Variants in PPP3CA observed in about 807,000 individuals in gnomAD.
The protein encoded by PPP3CA is protein phosphatase 3 catalytic subunit alpha.
A neutral mutation model predicts 66.5 loss-of-function variants in PPP3CA; 14 were observed. The ratio of observed to expected loss-of-function variants is 0.21; its 90% confidence interval spans 0.14 to 0.33. PPP3CA has a LOEUF of 0.33. Among genes scored for constraint, PPP3CA ranks in the 10% least tolerant of loss-of-function variants. PPP3CA has a pLI of 1.00. For missense variants in PPP3CA, 317 were observed against 639.5 expected (o/e 0.50, Z 5.44); for synonymous variants, 232 against 226.2 (o/e 1.03, Z -0.23).
In PPP3CA at chr4:101,195,318, G is replaced by A. The variant is rs145305135; in HGVS notation, c.259+598C>T. Among the ~76,000 whole-genome samples, 69 of 150,876 alleles carry A rather than the reference G, an allele frequency of 4.6e-4. 1 individual carries two copies. The East Asian group carries it at 0.013, about 29-fold the overall frequency. The stretch of plus-strand genomic sequence containing the variant: ...TAGGGACAAAATGCTACGGGCAAAA[G>A]AGAAAAAAATGTGTCCTTCTTCCGA... On this transcript the variant is annotated intron_variant, in intron 2 of 13. Transcript: ENST00000394854.
chr4:101,101,232 T>C (rs947207464), intron 3 of PPP3CA, among the ~76,000 whole-genome samples: 1 of 152,200 alleles, frequency 6.6e-6, no homozygotes, highest in African/African-American at 2.4e-5. Context: ...GATCTGTTGA[T>C]GTATGTAACG....
intron 11 of PPP3CA, among the ~76,000 whole-genome samples, chr4:101,035,077 C>T (rs957095264): frequency 3.9e-5 from 6 of 152,034 alleles, no homozygotes; most frequent in African/African-American, 1.4e-4. Context: ...ACCAGCCTGG[C>T]CAACATGGTG....
At chr4:101,194,079 G>A (rs1041915350) in intron 2 of PPP3CA, among the ~76,000 whole-genome samples, 2 of 152,152 alleles carry the variant, frequency 1.3e-5, no homozygotes, top group African/African-American at 2.4e-5. Flanking sequence ...AACTTACAGA[G>A]TAAGTCTCTG....
intron 1 of PPP3CA, among the ~76,000 whole-genome samples, chr4:101,259,451 C>T (rs1303661044): frequency 2.6e-5 from 4 of 152,074 alleles, no homozygotes; most frequent in African/African-American, 9.7e-5. Context: ...CCCTCCACTC[C>T]ACAGACCAGT....
chr4:101,347,074 C>T lies in PPP3CA; in HGVS notation c.-278G>A. The stretch of plus-strand genomic sequence containing the variant: ...TGTGTGGTGGTTATTTATTTATTTT[C>T]TGAGCACGCCTCCCGGTTCTTCTTT... On this transcript the variant is annotated 5_prime_UTR_variant, in exon 1 of 14. Coordinates refer to ENST00000394854, the MANE Select transcript of PPP3CA (RefSeq NM_000944.5). 3 of 553,492 alleles carry T rather than the reference C, an allele frequency of 5.4e-6. No individual in the cohort carries two copies. Among genetic ancestry groups the T allele is most frequent in the Non-Finnish European group, 9.6e-6 (3 of 313,046 alleles). The allele number at this position is 553,492 out of a possible 1,614,324, so 34.3% of individuals were successfully genotyped here.
At chr4:101,309,972 G>A (rs549726327) in intron 1 of PPP3CA, among the ~76,000 whole-genome samples, 20 of 152,298 alleles carry the variant, frequency 1.3e-4, no homozygotes, top group African/African-American at 4.6e-4. Context: ...GCTTGAGACA[G>A]TATTTCAAAT....
chr4:101,287,797 G>A (rs1441925169), intron 1 of PPP3CA, among the ~76,000 whole-genome samples: 2 of 150,544 alleles, frequency 1.3e-5, no homozygotes, highest in Non-Finnish European at 2.9e-5. Flanking sequence ...TGTGAGGAAA[G>A]TGCCTAAAGG....
intron 1 of PPP3CA, among the ~76,000 whole-genome samples, chr4:101,230,883 A>G (rs948439767): frequency 3.3e-5 from 5 of 151,756 alleles, no homozygotes; most frequent in African/African-American, 1.2e-4. Flanking sequence ...AATCGTTTCA[A>G]GACTTTCTGT....
intron 1 of PPP3CA, among the ~76,000 whole-genome samples, chr4:101,209,226 A>G (rs1443489818): frequency 3.3e-5 from 5 of 152,206 alleles, no homozygotes; most frequent in Non-Finnish European, 5.9e-5. Flanking sequence ...ACAATTTTTT[A>G]TGATTTGAGG....
chr4:101,105,706 T>C (rs1162387919), intron 3 of PPP3CA, among the ~76,000 whole-genome samples: 1 of 152,190 alleles, frequency 6.6e-6, no homozygotes, highest in Admixed American at 6.5e-5. Context: ...CCACACATGA[T>C]GTAGTATCGT....
intron 1 of PPP3CA, among the ~76,000 whole-genome samples, chr4:101,233,090 C>T (rs1726014305): frequency 1.3e-5 from 2 of 151,710 alleles, no homozygotes. Context: ...CATAGGAAAA[C>T]TATAAGACAC....
intron 1 of PPP3CA, among the ~76,000 whole-genome samples, chr4:101,328,476 C>A (rs1316623430): frequency 6.6e-6 from 1 of 152,198 alleles, no homozygotes; most frequent in Non-Finnish European, 1.5e-5. Context: ...TAACTCCCTC[C>A]TCAAAATGTT....
intron 1 of PPP3CA, among the ~76,000 whole-genome samples, chr4:101,254,601 A>G (rs1441523387): frequency 6.6e-6 from 1 of 151,932 alleles, no homozygotes; most frequent in Non-Finnish European, 1.5e-5. Flanking sequence ...ACATCATTTC[A>G]ATACTGGGAA....
At chr4:101,164,896 AG>A (rs1723641990) in intron 2 of PPP3CA, among the ~76,000 whole-genome samples, 1 of 152,128 alleles carries the variant, frequency 6.6e-6, no homozygotes, top group Non-Finnish European at 1.5e-5. Flanking sequence ...CCAGAGATAA[AG>A]GGCTGCCAAT....
chr4:101,042,173 C>CTTTT (rs558866853), intron 10 of PPP3CA, among the ~76,000 whole-genome samples: 13 of 91,154 alleles, frequency 1.4e-4, no homozygotes, highest in African/African-American at 3.4e-4. Context: ...AAGGTCTTTG[C>CTTTT]TTTTTTTTTT....
At chr4:101,030,543 T>C (rs1362880693) in intron 12 of PPP3CA, among the ~76,000 whole-genome samples, 3 of 152,180 alleles carry the variant, frequency 2.0e-5, no homozygotes, top group African/African-American at 7.2e-5. Context: ...TGTGTATGTG[T>C]GTTTGTGTGT....
chr4:101,170,188 C>A (rs1285865795), intron 2 of PPP3CA, among the ~76,000 whole-genome samples: 6 of 151,150 alleles, frequency 4.0e-5, no homozygotes, highest in African/African-American at 1.5e-4. Flanking sequence ...AGAAAAGTGG[C>A]CTTAGAACAA....
intron 2 of PPP3CA, among the ~76,000 whole-genome samples, chr4:101,146,625 T>C (rs1309527312): frequency 6.6e-6 from 1 of 151,940 alleles, no homozygotes; most frequent in African/African-American, 2.4e-5. Flanking sequence ...GTACTTTTAG[T>C]AGAGATGGGG....
intron 2 of PPP3CA, among the ~76,000 whole-genome samples, chr4:101,133,816 G>A (rs1244869563): frequency 6.6e-6 from 1 of 152,164 alleles, no homozygotes; most frequent in Non-Finnish European, 1.5e-5. Context: ...GAACAAAGCT[G>A]GAGGCATCAA....
Sources: allele counts gnomAD v4.1 joint callset (sites outside exome capture counted in the v4.1 genomes callset), GRCh38; gene constraint gnomAD v4.1.1; transcripts MANE v1.5; gene names NCBI Gene and HGNC (gene_info 2026-07-23, HGNC 2026-07-21).